Variants in OPRM1 observed in about 807,000 individuals in gnomAD.
The protein encoded by OPRM1 is mu-type opioid receptor.
OPRM1 carries 27 observed loss-of-function variants against 31.8 expected under a neutral mutation model. That is an observed-to-expected ratio of 0.85 (90% CI 0.63 to 1.17). OPRM1 has a LOEUF of 1.17. Among genes scored for constraint, OPRM1 ranks in the 50% most tolerant of loss-of-function variants. OPRM1 has a pLI of 0.00. For synonymous variants in OPRM1, 196 were observed against 189.9 expected (o/e 1.03, Z -0.26); for missense variants, 536 against 511.1 (o/e 1.05, Z -0.47).
chr6:154,211,418 GAAAA>G (rs78285288), intron 3 of OPRM1, among the ~76,000 whole-genome samples: 1 of 107,108 alleles, frequency 9.3e-6, no homozygotes, highest in African/African-American at 3.5e-5. Flanking sequence ...CAAAAACAAA[GAAAA>G]AAAAAAAAAA....
chr6:154,073,331 G>A (rs1787192189), intron 1 of OPRM1, among the ~76,000 whole-genome samples: 1 of 152,158 alleles, frequency 6.6e-6, no homozygotes, highest in Non-Finnish European at 1.5e-5. Context: ...ACTTAGGGCA[G>A]AGATACTAGG....
chr6:154,183,259 G>A (rs9479783), intron 3 of OPRM1, among the ~76,000 whole-genome samples: 14,491 of 152,140 alleles, frequency 0.095, 1,051 homozygotes, highest in African/African-American at 0.2. Flanking sequence ...GATTACAGGC[G>A]TGAGCCACCA....
chr6:154,204,241 T>C (rs576191452), intron 3 of OPRM1, among the ~76,000 whole-genome samples: 7 of 152,300 alleles, frequency 4.6e-5, no homozygotes, highest in Non-Finnish European at 7.4e-5. Context: ...TTCTTGGAAT[T>C]GTTTTTCAAA....
chr6:154,109,415 T>C (rs1263244588), intron 3 of OPRM1, among the ~76,000 whole-genome samples: 2 of 152,242 alleles, frequency 1.3e-5, no homozygotes, highest in Non-Finnish European at 2.9e-5. Context: ...TGTATACAAC[T>C]TGATGAGTTT....
exon 1 of OPRM1, chr6:154,011,009 A>G (rs1358972970): frequency 4.6e-6 from 6 of 1,290,854 alleles, no homozygotes; most frequent in Middle Eastern, 2.1e-4. Context: ...CTGAAATAGC[A>G]TGGTCCAGGG....
At chr6:154,028,115 A>G (rs1464454856) in intron 1 of OPRM1, among the ~76,000 whole-genome samples, 1 of 152,166 alleles carries the variant, frequency 6.6e-6, no homozygotes, top group Non-Finnish European at 1.5e-5. Flanking sequence ...TCAAGTTTCC[A>G]GTCTTACTCA....
intron 2 of OPRM1, among the ~76,000 whole-genome samples, 182 bp downstream of exon 2, chr6:154,090,360 G>T (rs770461612): frequency 2.0e-5 from 3 of 152,068 alleles, no homozygotes; most frequent in Non-Finnish European, 4.4e-5. Context: ...ATAATTTTAG[G>T]CCTATTAAAT....
At chr6:154,109,844 C>T (rs75996330) in intron 3 of OPRM1, among the ~76,000 whole-genome samples, 2,308 of 148,250 alleles carry the variant, frequency 0.016, 51 homozygotes, top group African/African-American at 0.054. Flanking sequence ...TGCATACATA[C>T]ACATTTCATT....
intron 1 of OPRM1, among the ~76,000 whole-genome samples, chr6:154,025,195 G>A (rs1251343770): frequency 1.3e-5 from 2 of 151,972 alleles, no homozygotes; most frequent in African/African-American, 4.8e-5. Flanking sequence ...ATATATCGGG[G>A]TGCCCAATGT....
intron 1 of OPRM1, among the ~76,000 whole-genome samples, chr6:154,054,796 C>T (rs1421947282): frequency 2.6e-5 from 4 of 152,192 alleles, no homozygotes; most frequent in Admixed American, 6.5e-5. Flanking sequence ...ATACCCCATT[C>T]TCTGTGATGT....
chr6:154,190,975 G>C (rs1332124459), intron 3 of OPRM1, among the ~76,000 whole-genome samples: 2 of 152,106 alleles, frequency 1.3e-5, no homozygotes, highest in Non-Finnish European at 2.9e-5. Flanking sequence ...AGAATGGCAT[G>C]AATCCAGGAG....
At chr6:154,098,638 A>G (rs1267170444) in intron 3 of OPRM1, among the ~76,000 whole-genome samples, 1 of 152,222 alleles carries the variant, frequency 6.6e-6, no homozygotes, top group Non-Finnish European at 1.5e-5. Flanking sequence ...AGGAAAGGAT[A>G]TTTGAATGTA....
intron 3 of OPRM1, among the ~76,000 whole-genome samples, chr6:154,185,062 T>A (rs1438722881): frequency 6.6e-6 from 1 of 152,220 alleles, no homozygotes; most frequent in Non-Finnish European, 1.5e-5. Flanking sequence ...TCCTGCTACA[T>A]GGCATGACTA....
At chr6:154,022,098 C>T (rs1376621617) in intron 1 of OPRM1, among the ~76,000 whole-genome samples, 1 of 152,142 alleles carries the variant, frequency 6.6e-6, no homozygotes, top group African/African-American at 2.4e-5. Context: ...TTAAGTATGA[C>T]GTTAGCTGAA....
intron 3 of OPRM1, among the ~76,000 whole-genome samples, chr6:154,232,505 G>C (rs1779802567): frequency 6.6e-6 from 1 of 152,130 alleles, no homozygotes; most frequent in African/African-American, 2.4e-5. Flanking sequence ...TATACCATGG[G>C]AACCATCATG....
rs1562472442 is a variant in OPRM1 at position 154,100,125 on chromosome 6, TTATGA to T, written c.1164+8654_1164+8658del. 4.0e-3 allele frequency among the ~76,000 whole-genome samples: 137 copies of T among 33,890 alleles called. 18 individuals are homozygous for T. Among genetic ancestry groups the T allele is most frequent in the African/African-American group, 0.012 (113 of 9,418 alleles). The allele number at this position is 33,890 out of a possible 152,430, so 22.2% of individuals were successfully genotyped here. A position where few individuals can be genotyped will look rare whatever the true frequency, so the allele number is the denominator to read the frequency against. ...GATATATATATTATATATTATCATA[TTATGA>T]CATATAATATATATTATCATATTAT... On this transcript the variant is annotated intron_variant, in intron 3 of 3. Coordinates refer to ENST00000330432, the MANE Select transcript of OPRM1 (RefSeq NM_000914.5).
At chr6:154,051,769 C>T (rs1782242131) in intron 1 of OPRM1, among the ~76,000 whole-genome samples, 1 of 152,138 alleles carries the variant, frequency 6.6e-6, no homozygotes, top group South Asian at 2.1e-4. Flanking sequence ...GACAATGTGG[C>T]AATTCCTCAA....
intron 1 of OPRM1, among the ~76,000 whole-genome samples, chr6:154,061,584 C>A (rs1032071054): frequency 6.6e-6 from 1 of 152,042 alleles, no homozygotes; most frequent in African/African-American, 2.4e-5. Flanking sequence ...AAACCAAATA[C>A]CACATGTTCT....
intron 3 of OPRM1, among the ~76,000 whole-genome samples, chr6:154,176,850 G>C (rs1473999375): frequency 6.6e-6 from 1 of 151,988 alleles, no homozygotes; most frequent in Non-Finnish European, 1.5e-5. Context: ...TGAGCAAAAA[G>C]AACAAAGCTG....
Sources: gnomAD v4.1 joint callset for allele counts (sites outside exome capture counted in the v4.1 genomes callset) on GRCh38, gnomAD v4.1.1 for gene constraint, MANE v1.5 for transcripts, NCBI Gene and HGNC (gene_info 2026-07-23, HGNC 2026-07-21) for gene names.